Variants in FRMD3 observed in about 807,000 individuals in gnomAD.
FRMD3 encodes FERM domain containing 3.
In FRMD3, 33 loss-of-function variants were observed where a neutral mutation model predicts 70.2. The ratio of observed to expected loss-of-function variants is 0.47; its 90% CI spans 0.36 to 0.63. The LOEUF is 0.63. FRMD3 is among the 20% of genes least tolerant of loss of function. The pLI, the probability that FRMD3 is intolerant of heterozygous loss-of-function variation, is 0.00. For missense variants in FRMD3, 632 were observed against 711.4 expected (o/e 0.89, Z 1.27); for synonymous variants, 279 against 255.9 (o/e 1.09, Z -0.86).
chr9:83,511,324 T>A (rs965040845), intron 1 of FRMD3, among the ~76,000 whole-genome samples: 3 of 152,116 alleles, frequency 2.0e-5, no homozygotes, highest in African/African-American at 7.2e-5. Context: ...GAGAAAGCAG[T>A]GAAGCTCAGA....
At chr9:83,296,930 C>T (rs1238636195) in intron 12 of FRMD3, among the ~76,000 whole-genome samples, 1 of 152,182 alleles carries the variant, frequency 6.6e-6, no homozygotes, top group African/African-American at 2.4e-5. Context: ...CACAGACTCT[C>T]AAGCATCACT....
upstream of FRMD3, chr9:83,538,445 T>G (rs1378056011): frequency 2.7e-6 from 1 of 377,032 alleles, no homozygotes; most frequent in Non-Finnish European, 4.7e-6. This position sits in a 1 kb window ranked among gnomAD's most constrained non-coding sequence, Gnocchi z 4.7. Flanking sequence ...CCTCGCCCCC[T>G]CCTTTCCCCG....
intron 1 of FRMD3, among the ~76,000 whole-genome samples, chr9:83,399,314 C>T (rs191368139): frequency 8.3e-4 from 126 of 152,296 alleles, no homozygotes; most frequent in African/African-American, 2.8e-3. Flanking sequence ...ACCTCTACTG[C>T]GTACTGTGGC....
chr9:83,243,828 T>C (rs752536185), downstream of FRMD3, among the ~76,000 whole-genome samples: 2 of 152,002 alleles, frequency 1.3e-5, no homozygotes, highest in Non-Finnish European at 2.9e-5. Flanking sequence ...CACCTTTTGG[T>C]TTAACTGTTA....
chr9:83,295,445 C>T (rs1469061259), intron 12 of FRMD3, among the ~76,000 whole-genome samples: 1 of 152,086 alleles, frequency 6.6e-6, no homozygotes, highest in Non-Finnish European at 1.5e-5. Context: ...TGTCATATTC[C>T]AGTTTTTCAT....
At chr9:83,517,156 C>T (rs1408264129) in intron 1 of FRMD3, among the ~76,000 whole-genome samples, 1 of 151,832 alleles carries the variant, frequency 6.6e-6, no homozygotes, top group African/African-American at 2.4e-5. Flanking sequence ...CATGAAAAAC[C>T]CTTCAAAAAA....
chr9:83,369,577 A>T (rs374111593), intron 3 of FRMD3, among the ~76,000 whole-genome samples: 2 of 142,120 alleles, frequency 1.4e-5, no homozygotes, highest in South Asian at 2.2e-4. Flanking sequence ...ACTCTGTCTC[A>T]AAATAAATAA....
intron 1 of FRMD3, among the ~76,000 whole-genome samples, chr9:83,517,337 T>TA (rs1829475602): frequency 6.6e-6 from 1 of 151,778 alleles, no homozygotes; most frequent in African/African-American, 2.4e-5. Flanking sequence ...GAGAATACTA[T>TA]AAACACCTCT....
chr9:83,279,715 A>G lies in FRMD3; in HGVS notation c.1195+10888T>C, dbSNP rs1376916280. Among the ~76,000 whole-genome samples the G allele has an allele frequency of 4.7e-4, 71 of 151,522 alleles. 1 individual carries two copies. Among genetic ancestry groups the G allele is most frequent in the Admixed American group, 4.7e-3 (71 of 15,204 alleles). On this transcript the variant is annotated intron_variant, in intron 13 of 13. Coordinates refer to ENST00000304195, the MANE Select transcript of FRMD3 (RefSeq NM_174938.6). ...ACACGGGAACAGAAAACCACACACC[A>G]AATGTTCTCACTTGTAAGTGGGAGT...
chr9:83,381,544 C>CAA (rs149090745), intron 2 of FRMD3, among the ~76,000 whole-genome samples: 147 of 144,478 alleles, frequency 1.0e-3, no homozygotes, highest in Non-Finnish European at 1.9e-3. Context: ...TGGCAGAGTG[C>CAA]AAAAAAAAAA....
At chr9:83,583,270 C>A in the FRMD3 span, among the ~76,000 whole-genome samples, 1 of 152,150 alleles carries the variant, frequency 6.6e-6, no homozygotes, top group Non-Finnish European at 1.5e-5. Flanking sequence ...TGGAAAACTT[C>A]AGTGTTAAGA....
chr9:83,451,982 T>G (rs566834327), intron 1 of FRMD3, among the ~76,000 whole-genome samples: 1 of 152,300 alleles, frequency 6.6e-6, no homozygotes, highest in South Asian at 2.1e-4. Flanking sequence ...CTAATTCCAT[T>G]TCCTATATAA....
chr9:83,329,569 T>C (rs1836164813), intron 6 of FRMD3, among the ~76,000 whole-genome samples: 1 of 152,202 alleles, frequency 6.6e-6, no homozygotes, highest in Non-Finnish European at 1.5e-5. Flanking sequence ...ACTCCATTTT[T>C]TTAAACTATA....
chr9:83,384,206 T>C (rs1016021111), intron 2 of FRMD3, among the ~76,000 whole-genome samples: 5 of 152,182 alleles, frequency 3.3e-5, no homozygotes, highest in Non-Finnish European at 7.3e-5. Flanking sequence ...GAGGACTCAT[T>C]GAGCAGACAA....
intron 3 of FRMD3, among the ~76,000 whole-genome samples, chr9:83,366,534 T>C (rs889100494): frequency 6.6e-6 from 1 of 150,980 alleles, no homozygotes; most frequent in Non-Finnish European, 1.5e-5. Flanking sequence ...GATTGTGCCA[T>C]TGTACTCCAG....
chr9:83,362,208 TC>T (rs1281083277), intron 3 of FRMD3, among the ~76,000 whole-genome samples: 7 of 147,242 alleles, frequency 4.8e-5, no homozygotes, highest in Non-Finnish European at 7.5e-5. Flanking sequence ...TCTCTCTCTC[TC>T]AATCTCAATC....
At chr9:83,554,201 T>G in the FRMD3 span, among the ~76,000 whole-genome samples, 195 of 152,266 alleles carry the variant, frequency 1.3e-3, 1 homozygote, top group African/African-American at 4.6e-3. Context: ...GTTTGTAGAC[T>G]CTTGCTTAAT....
At chr9:83,483,640 C>T (rs1236988892) in intron 1 of FRMD3, among the ~76,000 whole-genome samples, 1 of 152,132 alleles carries the variant, frequency 6.6e-6, no homozygotes, top group Admixed American at 6.6e-5. Flanking sequence ...GGAGTTATCG[C>T]TTGAGACCAG....
the FRMD3 span, among the ~76,000 whole-genome samples, chr9:83,546,890 C>CAAAAAAAAAA: frequency 0.39 from 24,004 of 62,130 alleles, 6,759 homozygotes; most frequent in Admixed American, 0.41. Context: ...GACTCTGTCT[C>CAAAAAAAAAA]AAAAAAAAAA....
Sources: allele counts gnomAD v4.1 joint callset (sites outside exome capture counted in the v4.1 genomes callset), GRCh38; gene constraint gnomAD v4.1.1; non-coding constraint Gnocchi (gnomAD v3.1); transcripts MANE v1.5; gene names NCBI Gene and HGNC (gene_info 2026-07-23, HGNC 2026-07-21).